The following PCDHGA7 variants were observed in gnomAD, a reference collection of about 807,000 sequenced individuals.
The protein encoded by PCDHGA7 is protocadherin gamma subfamily A, 7, also known as protocadherin gamma-A7.
PCDHGA7 carries 44 observed loss-of-function variants against 58.3 expected under a neutral mutation model. The ratio of observed to expected loss-of-function variants is 0.75; its 90% CI spans 0.59 to 0.97. PCDHGA7 has a LOEUF of 0.97. PCDHGA7 is among the 50% of genes least tolerant of loss of function. The pLI, the probability that PCDHGA7 is intolerant of heterozygous loss-of-function variation, is 0.00. For missense variants in PCDHGA7, 1,266 were observed against 1,188.7 expected, an observed-to-expected ratio of 1.06 and a Z score of -0.96; for synonymous variants, 516 against 504.2, an observed-to-expected ratio of 1.02 and a Z score of -0.31.
At chr5:141,500,488 C>T (rs569168291) in intron 2 of PCDHGA7, among the ~76,000 whole-genome samples, 4 of 152,178 alleles carry the variant, frequency 2.6e-5, no homozygotes, top group South Asian at 2.1e-4. Flanking sequence ...GGATTACAGG[C>T]GTGAGCCACC....
At chr5:141,413,034 G>C in intron 1 of PCDHGA7, 1 of 783,270 alleles carries the variant, frequency 1.3e-6, no homozygotes, top group East Asian at 2.8e-5. Context: ...CAAACCGGCT[G>C]CTGGGCTGCA....
chr5:141,481,689 C>T (rs1198127143), intron 1 of PCDHGA7, among the ~76,000 whole-genome samples: 1 of 152,102 alleles, frequency 6.6e-6, no homozygotes, highest in Non-Finnish European at 1.5e-5. Context: ...CCTGGTGGCT[C>T]ACGCCTGTAA....
At chr5:141,407,214 G>C (rs1230787104) in intron 1 of PCDHGA7, among the ~76,000 whole-genome samples, 2 of 152,146 alleles carry the variant, frequency 1.3e-5, no homozygotes, top group South Asian at 2.1e-4. Context: ...TCCCCCTTAA[G>C]TGGGTAGCAA....
intron 1 of PCDHGA7, among the ~76,000 whole-genome samples, chr5:141,464,162 G>A (rs1030872607): frequency 6.6e-6 from 1 of 151,946 alleles, no homozygotes; most frequent in African/African-American, 2.4e-5. Context: ...CTACTTGGAA[G>A]GCTGAGGCAG....
In PCDHGA7 at chr5:141,487,161, T is replaced by C; in HGVS notation, c.2425-7646T>C. Reference sequence around the variant, plus strand: ...CTCTCTACCTCTGTTACTCTCTTAGTGTCCTTAGAGGAAGACACTCATCCA... The same window carrying C: ...CTCTCTACCTCTGTTACTCTCTTAGCGTCCTTAGAGGAAGACACTCATCCA... On this transcript the variant is annotated intron_variant, in intron 1 of 3. Coordinates refer to ENST00000518325, the MANE Select transcript of PCDHGA7 (RefSeq NM_018920.4). This position sits in a 1 kb window ranked among gnomAD's most constrained non-coding sequence, Gnocchi z 5.0. 6.2e-7 allele frequency: 1 copy of C among 1,613,528 alleles called. No homozygotes were observed.
chr5:141,398,804 C>T, intron 1 of PCDHGA7: 1 of 1,614,012 alleles, frequency 6.2e-7, no homozygotes, highest in Non-Finnish European at 8.5e-7. Context: ...AGCGGCACCA[C>T]TGAGCTCCGG....
In PCDHGA7 at chr5:141,383,222, T is replaced by C; in HGVS notation, c.323T>C (p.Ile108Thr). 1 of 1,613,962 alleles carries C rather than the reference T, an allele frequency of 6.2e-7. No individual in the cohort carries two copies. Among genetic ancestry groups the C allele is most frequent in the Non-Finnish European group, 8.5e-7 (1 of 1,179,880 alleles). ...GCGCGGTGTCTGGTAAACTTTAACA[T>C]CCTGATGGAAGATAAAATGAATCTT... ...QSARCLVNFNILMEDKMNLYP... is the reference protein window; with the variant it reads ...QSARCLVNFNTLMEDKMNLYP... Residue 108 changes from isoleucine (I) to threonine (T), a missense_variant, in exon 1 of 4, where the codon ATC becomes ACC. Physicochemically the swap from Ile to Thr is moderately conservative, Grantham distance 89. Transcript: ENST00000518325.
chr5:141,398,874 C>G (rs1384943457), intron 1 of PCDHGA7: 1 of 1,613,978 alleles, frequency 6.2e-7, no homozygotes, highest in South Asian at 1.1e-5. Context: ...TGTACAGAGT[C>G]AGCCTTCGGG....
intron 1 of PCDHGA7, chr5:141,409,449 C>A (rs1317609642): frequency 6.2e-7 from 1 of 1,613,934 alleles, no homozygotes; most frequent in South Asian, 1.1e-5. Flanking sequence ...GAGCAGACAC[C>A]AGAATACAAT....
chr5:141,409,441 G>A (rs1432743588), intron 1 of PCDHGA7: 1 of 1,613,884 alleles, frequency 6.2e-7, no homozygotes, highest in Admixed American at 1.7e-5. Context: ...TGGACCGAGA[G>A]CAGACACCAG....
At chr5:141,480,085 A>G (rs2099512286) in intron 1 of PCDHGA7, among the ~76,000 whole-genome samples, 1 of 152,216 alleles carries the variant, frequency 6.6e-6, no homozygotes, top group Admixed American at 6.5e-5. Context: ...TGCATGATAT[A>G]ATGTATGCAA....
At chr5:141,449,979 C>T (rs1382206842) in intron 1 of PCDHGA7, among the ~76,000 whole-genome samples, 1 of 148,862 alleles carries the variant, frequency 6.7e-6, no homozygotes, top group Non-Finnish European at 1.5e-5. Context: ...TCCAAAATAT[C>T]ACACATTGCA....
In PCDHGA7 at chr5:141,383,860, G is replaced by A; in HGVS notation, c.961G>A (p.Ala321Thr). 1 of 1,613,926 alleles carries A rather than the reference G, an allele frequency of 6.2e-7. No individual in the cohort carries two copies. The highest frequency in any genetic ancestry group is 8.5e-7 in the Non-Finnish European group (1 of 1,179,868). ...ETAFYEMEVQ[A>T]QDGPGSLTKA... is the part of the protein sequence containing the mutation. ...TGCCTTCTATGAAATGGAGGTTCAG[G>A]CTCAAGATGGTCCTGGTAGTCTGAC... is the stretch of plus-strand genomic sequence containing the variant. The change falls in exon 1 of 4, where the codon GCT (alanine) becomes ACT (threonine). Residue 321 changes from alanine (A) to threonine (T), a missense_variant. Transcript: ENST00000518325.
chr5:141,499,565 C>T (rs1291006795), intron 2 of PCDHGA7, among the ~76,000 whole-genome samples: 1 of 152,168 alleles, frequency 6.6e-6, no homozygotes, highest in East Asian at 1.9e-4. Flanking sequence ...CACTATCCAG[C>T]TTCAACTAAT....
At chr5:141,442,895 A>G (rs1381559903) in intron 1 of PCDHGA7, among the ~76,000 whole-genome samples, 5 of 152,182 alleles carry the variant, frequency 3.3e-5, no homozygotes, top group African/African-American at 1.2e-4. Context: ...CCTGCTTATC[A>G]CTTCTCCTTC....
Position 141,384,670 on chromosome 5 carries a change from G to A in PCDHGA7, c.1771G>A (p.Val591Met). 6.2e-7 allele frequency: 1 copy of A among 1,614,220 alleles called. No individual in the cohort carries two copies. ...SAEPGYLVTK[V>M]VAVDKDSGQN... ...AGAGCCCGGCTACCTGGTGACCAAG[G>A]TGGTGGCGGTGGACAAAGATTCAGG... The change falls in exon 1 of 4, where the codon GTG becomes ATG. Residue 591 changes from valine to methionine, a missense_variant. Coordinates refer to ENST00000518325, the MANE Select transcript of PCDHGA7 (RefSeq NM_018920.4).
intron 1 of PCDHGA7, chr5:141,441,260 A>G (rs1217151195): frequency 1.3e-5 from 2 of 152,222 alleles, no homozygotes; most frequent in Non-Finnish European, 2.9e-5. Context: ...AAATCACAAG[A>G]TCTGGATTCG....
At chr5:141,467,337 G>A (rs1018807977) in intron 1 of PCDHGA7, among the ~76,000 whole-genome samples, 1 of 152,162 alleles carries the variant, frequency 6.6e-6, no homozygotes, top group Admixed American at 6.6e-5. Flanking sequence ...AGAGACGTAA[G>A]CCACTGCCCC....
intron 1 of PCDHGA7, among the ~76,000 whole-genome samples, chr5:141,387,384 A>G (rs897106394): frequency 6.6e-6 from 1 of 152,208 alleles, no homozygotes; most frequent in Non-Finnish European, 1.5e-5. Flanking sequence ...CTTTATATAG[A>G]TAGTGCATGT....
Sources: allele counts gnomAD v4.1 joint callset (sites outside exome capture counted in the v4.1 genomes callset), GRCh38; gene constraint gnomAD v4.1.1; non-coding constraint Gnocchi (gnomAD v3.1); transcripts MANE v1.5; gene names NCBI Gene and HGNC (gene_info 2026-07-23, HGNC 2026-07-21).